The following CCM2 variants were observed in gnomAD, a reference collection of about 807,000 sequenced individuals.
CCM2 encodes CCM2 scaffold protein.
In CCM2, 25 loss-of-function variants were observed where a neutral mutation model predicts 44.9. That is an observed-to-expected ratio of 0.56 (90% CI 0.41 to 0.78). CCM2 has a LOEUF of 0.78. Ranked by LOEUF, CCM2 falls within the 30% of genes least tolerant of loss-of-function variation. The pLI is 0.00. For missense variants in CCM2, 481 were observed against 580.6 expected (o/e 0.83, Z 1.76); for synonymous variants, 219 against 241.1 (o/e 0.91, Z 0.85).
At chr7:45,004,974 C>T (rs530785728) in intron 1 of CCM2, among the ~76,000 whole-genome samples, 26 of 142,816 alleles carry the variant, frequency 1.8e-4, no homozygotes, top group African/African-American at 5.1e-4. Context: ...CCAGCCTGGG[C>T]GACAAGAGTA....
chr7:45,065,414 G>C (rs1254178835), intron 4 of CCM2, among the ~76,000 whole-genome samples: 2 of 152,200 alleles, frequency 1.3e-5, no homozygotes, highest in Non-Finnish European at 2.9e-5. Context: ...TGACTGGGTT[G>C]ATCCCAAAGC....
At chr7:45,067,771 CG>C (rs1187567826) in intron 4 of CCM2, 1 of 155,730 alleles carries the variant, frequency 6.4e-6, no homozygotes, top group African/African-American at 2.4e-5. Context: ...TGGCCTGGGA[CG>C]GCCTTCTTCT....
At chr7:45,075,630 C>T in intron 9 of CCM2, 147 bp from the exon 10 acceptor site, 10 of 943,890 alleles carry the variant, frequency 1.1e-5, no homozygotes, top group Non-Finnish European at 1.7e-5. Context: ...AACCAGGATG[C>T]TAGATGCAGT....
At chr7:45,001,586 CTG>C (rs1443746002) in intron 1 of CCM2, among the ~76,000 whole-genome samples, 5 of 152,218 alleles carry the variant, frequency 3.3e-5, no homozygotes, top group Non-Finnish European at 7.3e-5. Context: ...GCCATGTGCT[CTG>C]TGGAATGCCG....
intron 8 of CCM2, 162 bp downstream of exon 8, chr7:45,073,733 C>G: frequency 8.1e-6 from 5 of 614,994 alleles, no homozygotes; most frequent in Non-Finnish European, 1.5e-5. Context: ...CTGCCTTTTC[C>G]TGGGGATAGT....
At position 45,072,720 on chromosome 7, in the gene CCM2, T is replaced by G; in HGVS notation, c.746-6T>G. 6.2e-7 allele frequency: 1 copy of G among 1,611,290 alleles called. No individual in the cohort carries two copies. The highest frequency in any genetic ancestry group is 8.5e-7 in the Non-Finnish European group (1 of 1,177,944). On this transcript the variant is annotated splice_region_variant and splice_polypyrimidine_tract_variant and intron_variant, in intron 6 of 9. Transcript: ENST00000258781. Reference sequence around the variant, plus strand: ...GTCATCTTAGTTTTCTGCATCTTCCTTACAGATGACTCTTCTACAAAAGTG... The same window carrying G: ...GTCATCTTAGTTTTCTGCATCTTCCGTACAGATGACTCTTCTACAAAAGTG...
chr7:45,070,491 CTG>C, intron 6 of CCM2: 1 of 456,106 alleles, frequency 2.2e-6, no homozygotes, highest in South Asian at 1.5e-5. Context: ...TACCCCAGAG[CTG>C]TCTCTTCCTG....
At chr7:45,033,005 A>G (rs934821494) in intron 1 of CCM2, among the ~76,000 whole-genome samples, 5 of 129,738 alleles carry the variant, frequency 3.9e-5, no homozygotes, top group Admixed American at 3.0e-4. Context: ...ATGCCATTGC[A>G]CTCCATCCAG....
intron 2 of CCM2, among the ~76,000 whole-genome samples, chr7:45,040,807 C>T (rs947614897): frequency 1.3e-5 from 2 of 152,006 alleles, no homozygotes; most frequent in Non-Finnish European, 2.9e-5. Context: ...GCCAACATGG[C>T]GAAACCCTGT....
intron 2 of CCM2, among the ~76,000 whole-genome samples, chr7:45,056,521 A>C (rs1047382688): frequency 2.6e-5 from 4 of 152,126 alleles, no homozygotes; most frequent in African/African-American, 9.7e-5. Context: ...TAGCCATCCT[A>C]GTGGGTGTGA....
intron 1 of CCM2, among the ~76,000 whole-genome samples, chr7:45,034,867 T>G (rs1371985337): frequency 1.3e-5 from 2 of 151,658 alleles, no homozygotes; most frequent in Admixed American, 6.6e-5. Flanking sequence ...AGACAAGGTC[T>G]CACTCTGTTG....
intron 2 of CCM2, among the ~76,000 whole-genome samples, chr7:45,042,957 CTCT>C (rs996093018): frequency 2.7e-4 from 37 of 136,548 alleles, no homozygotes; most frequent in Admixed American, 1.3e-3. Context: ...GCTTTCTCTT[CTCT>C]TCTTCTTCTT....
chr7:45,042,723 C>G (rs1175669413), intron 2 of CCM2, among the ~76,000 whole-genome samples: 1 of 152,172 alleles, frequency 6.6e-6, no homozygotes, highest in Non-Finnish European at 1.5e-5. Context: ...AAAGCACAAA[C>G]TCCTCCCACA....
chr7:45,014,524 G>T (rs763426528), intron 1 of CCM2, among the ~76,000 whole-genome samples: 1 of 151,752 alleles, frequency 6.6e-6, no homozygotes, highest in East Asian at 1.9e-4. Flanking sequence ...TGTTGCCCAC[G>T]CTAGTCTTGA....
At chr7:45,036,142 G>A (rs903870463) in intron 1 of CCM2, among the ~76,000 whole-genome samples, 13 of 152,038 alleles carry the variant, frequency 8.6e-5, no homozygotes, top group Non-Finnish European at 1.6e-4. Context: ...AAAGAGAGCT[G>A]GCAAAGGGTG....
chr7:45,000,260 C>A lies in CCM2; in HGVS notation c.-74C>A, dbSNP rs1228189698. The A allele has an allele frequency of 1.3e-5, 12 of 959,836 alleles. No individual in the cohort carries two copies. The highest frequency in any genetic ancestry group is 1.0e-4 in the African/African-American group (5 of 49,296). 59.5% of individuals were successfully genotyped at this position (959,836 alleles called of 1,614,324 possible). A position where few individuals can be genotyped will look rare whatever the true frequency, so the allele number is the denominator to read the frequency against. ...GAGCGCGGGGGCGGCGGGCCCGGGT[C>A]GAGCATGTAGCGGCTGCTGGCGGCG... is the stretch of plus-strand genomic sequence containing the variant. On this transcript the variant is annotated 5_prime_UTR_variant, in exon 1 of 10. Transcript: ENST00000258781.
intron 1 of CCM2, among the ~76,000 whole-genome samples, chr7:45,012,025 G>A (rs1468887932): frequency 6.6e-6 from 1 of 151,124 alleles, no homozygotes; most frequent in Non-Finnish European, 1.5e-5. Flanking sequence ...AGGGTGTTAA[G>A]TTCTCTAGTT....
chr7:45,055,119 A>G (rs1162605680), intron 2 of CCM2, among the ~76,000 whole-genome samples: 2 of 152,208 alleles, frequency 1.3e-5, no homozygotes, highest in African/African-American at 4.8e-5. Flanking sequence ...GATTTTGGAT[A>G]ACACCAAAGA....
intron 2 of CCM2, among the ~76,000 whole-genome samples, chr7:45,045,082 T>C (rs1001607312): frequency 3.3e-5 from 5 of 152,242 alleles, no homozygotes; most frequent in African/African-American, 1.2e-4. Flanking sequence ...CCTTTACATA[T>C]GTCTAGCCTT....
Sources: allele counts gnomAD v4.1 joint callset (sites outside exome capture counted in the v4.1 genomes callset), GRCh38; gene constraint gnomAD v4.1.1; transcripts MANE v1.5; gene names NCBI Gene and HGNC (gene_info 2026-07-23, HGNC 2026-07-21).